The following C6 variants were observed in gnomAD, a reference collection of about 807,000 sequenced individuals.
The protein encoded by C6 is complement component C6.
In C6, 101 loss-of-function variants were observed where a neutral mutation model predicts 112.9. The ratio of observed to expected loss-of-function variants is 0.89; its 90% CI spans 0.76 to 1.06. The LOEUF (loss-of-function observed/expected upper bound fraction) is 1.06. C6 is among the 50% of genes least tolerant of loss of function. The pLI, the probability that C6 is intolerant of heterozygous loss-of-function variation, is 0.00. For synonymous variants in C6, 431 were observed against 384.1 expected, an observed-to-expected ratio of 1.12 and a Z score of -1.43; for missense variants, 1,202 against 1,104.6, an observed-to-expected ratio of 1.09 and a Z score of -1.25.
chr5:41,208,077 C>T (rs1032957632), intron 1 of C6, among the ~76,000 whole-genome samples: 6 of 151,238 alleles, frequency 4.0e-5, no homozygotes, highest in African/African-American at 1.2e-4. Context: ...AAACTCAAAA[C>T]GCTCAACTAC....
chr5:41,255,318 C>T (rs925303172), intron 1 of C6, among the ~76,000 whole-genome samples: 2 of 151,160 alleles, frequency 1.3e-5, no homozygotes, highest in African/African-American at 4.9e-5. Context: ...CCGAGATCGC[C>T]CCACTGCACT....
chr5:41,198,505 T>C, intron 4 of C6, among the ~76,000 whole-genome samples: 1 of 152,154 alleles, frequency 6.6e-6, no homozygotes, highest in African/African-American at 2.4e-5. Flanking sequence ...AAGCAGGGCA[T>C]GGGTTACTCA....
rs1026006039 is a variant in C6 at position 41,167,626 on chromosome 5, C to A, written c.1291+4599G>T. On this transcript the variant is annotated intron_variant, in intron 9 of 17. Transcript: ENST00000337836. ...TATTATGAAAAAAATGCATAGCTTT[C>A]AAATTTTTTTGCACAAAAATAAACT... Among the ~76,000 whole-genome samples the A allele has an allele frequency of 2.6e-5, 4 of 152,204 alleles. No individual in the cohort carries two copies. The East Asian group carries it at 7.7e-4, about 29-fold the overall frequency.
Position 41,203,249 on chromosome 5 carries a change from C to A in C6, c.-19G>T, listed in dbSNP as rs1005565798. 1.9e-6 allele frequency: 3 copies of A among 1,613,790 alleles called. No homozygotes were observed. The highest frequency in any genetic ancestry group is 2.5e-6 in the Non-Finnish European group (3 of 1,179,890). On this transcript the variant is annotated splice_region_variant and 5_prime_UTR_variant, in exon 2 of 18. Coordinates refer to ENST00000337836, the MANE Select transcript of C6 (RefSeq NM_000065.5). ...TGGCCATGCCTTGAGAGCCTCCAGG[C>A]CCTAAAATGAAAGAATACATAACAC...
chr5:41,241,511 T>A (rs1194407907), intron 1 of C6, among the ~76,000 whole-genome samples: 2 of 152,056 alleles, frequency 1.3e-5, no homozygotes, highest in Admixed American at 1.3e-4. Context: ...ACTTTACGGG[T>A]CATGCAGAGA....
At chr5:41,157,167 C>A (rs1746994078) in intron 13 of C6, among the ~76,000 whole-genome samples, 1 of 151,990 alleles carries the variant, frequency 6.6e-6, no homozygotes, top group Non-Finnish European at 1.5e-5. Context: ...GAGACCAGGC[C>A]TTTAGTAAAG....
At chr5:41,259,549 A>C (rs1741915077) in intron 1 of C6, among the ~76,000 whole-genome samples, 1 of 151,686 alleles carries the variant, frequency 6.6e-6, no homozygotes. Flanking sequence ...CTGTTTTCTG[A>C]GATAATAGCA....
At chr5:41,222,374 A>T (rs1024743793) in intron 1 of C6, among the ~76,000 whole-genome samples, 5 of 151,976 alleles carry the variant, frequency 3.3e-5, no homozygotes, top group African/African-American at 1.2e-4. Flanking sequence ...TAAATATTAC[A>T]TTTAACTTGT....
At chr5:41,194,057 C>T (rs1017039528) in intron 5 of C6, among the ~76,000 whole-genome samples, 1 of 152,132 alleles carries the variant, frequency 6.6e-6, no homozygotes, top group Non-Finnish European at 1.5e-5. Context: ...TCCTCCCCAT[C>T]TGTAACTCTA....
intron 1 of C6, among the ~76,000 whole-genome samples, chr5:41,210,513 A>G: frequency 6.6e-6 from 1 of 152,202 alleles, no homozygotes; most frequent in East Asian, 1.9e-4. Flanking sequence ...ACTCAAACAA[A>G]TTTACAAGAA....
chr5:41,226,237 A>G (rs983176735), intron 1 of C6, among the ~76,000 whole-genome samples: 2 of 152,196 alleles, frequency 1.3e-5, no homozygotes, highest in African/African-American at 4.8e-5. Context: ...ATCTACAATG[A>G]ACTCAAACAA....
rs112955783 is a variant in C6, at chr5:41,155,612, C to G, written c.1969-508G>C. On this transcript the variant is annotated intron_variant, in intron 13 of 17. Transcript: ENST00000337836. ...AGAAGTGGTGGCATGGCCTGTGGTC[C>G]CAGCTACTTGGGAGGCTGAAGTGGG... is the stretch of plus-strand genomic sequence containing the variant. Among the ~76,000 whole-genome samples, 1,305 of 152,174 alleles carry G rather than the reference C, an allele frequency of 8.6e-3. 25 individuals carry two copies. Among genetic ancestry groups the G allele is most frequent in the African/African-American group, 0.03 (1,227 of 41,522 alleles).
At position 41,178,433 on chromosome 5, in the gene C6, T is replaced by G. The variant is rs192895502; in HGVS notation, c.928-1718A>C. 4.8e-3 allele frequency among the ~76,000 whole-genome samples: 722 copies of G among 151,746 alleles called. 1 individual carries two copies. The highest frequency in any genetic ancestry group is 7.5e-3 in the Non-Finnish European group (511 of 67,968). On this transcript the variant is annotated intron_variant, in intron 7 of 17. Transcript: ENST00000337836. ...TCTCTACTTGAAGACTAAGAGAGGC[T>G]TCAGTAGTATTTTCTTTTTTCTTTT...
chr5:41,249,238 C>A (rs1198599350), intron 1 of C6, among the ~76,000 whole-genome samples: 3 of 152,002 alleles, frequency 2.0e-5, no homozygotes, highest in Non-Finnish European at 4.4e-5. Context: ...ATCAATGGTA[C>A]CCCTTACCCA....
At chr5:41,185,370 A>G (rs941180448) in intron 6 of C6, among the ~76,000 whole-genome samples, 1 of 152,218 alleles carries the variant, frequency 6.6e-6, no homozygotes. Flanking sequence ...AGAAATAATT[A>G]CAACTCTGAA....
At chr5:41,177,709 C>A (rs1748972634) in intron 7 of C6, among the ~76,000 whole-genome samples, 1 of 152,110 alleles carries the variant, frequency 6.6e-6, no homozygotes, top group African/African-American at 2.4e-5. Context: ...GCATTAATCT[C>A]CCTTCTGTCT....
At chr5:41,205,263 G>A (rs1431469740) in intron 1 of C6, among the ~76,000 whole-genome samples, 2 of 152,200 alleles carry the variant, frequency 1.3e-5, no homozygotes, top group Non-Finnish European at 2.9e-5. Context: ...CATTATTCAA[G>A]ATGGCTGAAT....
At position 41,181,484 on chromosome 5, in the gene C6, G is replaced by A. The variant is rs950033293; in HGVS notation, c.802C>T (p.Gln268Ter). 4 of 1,613,578 alleles carry A rather than the reference G, an allele frequency of 2.5e-6. No homozygotes were observed. Among genetic ancestry groups the A allele is most frequent in the Non-Finnish European group, 3.4e-6 (4 of 1,179,788 alleles). ...CCCCCCTGACTTGAGAATGAGCCTT[G>A]TTGATTTTCATTGTGTCCAAGAGAA... is the stretch of plus-strand genomic sequence containing the variant. ...LTSLGHNENQ[Q>*]GSFSSQGGSS... Residue 268 changes from glutamine to a stop codon, truncating the protein, a stop_gained, in exon 7 of 18, where the codon CAA becomes TAA. Coordinates refer to ENST00000337836, the MANE Select transcript of C6 (RefSeq NM_000065.5). LOFTEE classifies it high-confidence loss of function.
intron 13 of C6, among the ~76,000 whole-genome samples, chr5:41,158,454 C>G (rs530361262): frequency 1.3e-5 from 2 of 152,194 alleles, no homozygotes; most frequent in African/African-American, 4.8e-5. Flanking sequence ...TCCAAGAAAC[C>G]CAAGCAATCT....
Sources: gnomAD v4.1 joint callset for allele counts (sites outside exome capture counted in the v4.1 genomes callset) on GRCh38, gnomAD v4.1.1 for gene constraint, MANE v1.5 for transcripts, NCBI Gene and HGNC (gene_info 2026-07-23, HGNC 2026-07-21) for gene names.